MECOM: variants seen among roughly 807,000 people sequenced by gnomAD.
MECOM encodes the protein histone-lysine N-methyltransferase MECOM.
A neutral mutation model predicts 116.3 loss-of-function variants in MECOM; 13 were observed. That is an observed-to-expected ratio of 0.11 (90% confidence interval 0.07 to 0.18). MECOM has a LOEUF of 0.18. Among genes scored for constraint, MECOM ranks in the 10% least tolerant of loss-of-function variants. The pLI is 1.00. For synonymous variants in MECOM, 528 were observed against 535.2 expected (o/e 0.99, Z 0.19); for missense variants, 1,299 against 1,509.0 (o/e 0.86, Z 2.31).
chr3:169,491,873 A>G (rs2108923071), intron 1 of MECOM, among the ~76,000 whole-genome samples: 1 of 152,356 alleles, frequency 6.6e-6, no homozygotes, highest in South Asian at 2.1e-4. Flanking sequence ...TCTATTGCCA[A>G]TTATAAAAGT....
At chr3:169,302,224 T>C (rs1716868509) in intron 2 of MECOM, among the ~76,000 whole-genome samples, 1 of 152,208 alleles carries the variant, frequency 6.6e-6, no homozygotes, top group African/African-American at 2.4e-5. Context: ...ATGTATCAAG[T>C]CCTGTTAGAA....
intron 2 of MECOM, among the ~76,000 whole-genome samples, chr3:169,309,680 C>T (rs1423928623): frequency 6.6e-6 from 1 of 152,204 alleles, no homozygotes; most frequent in African/African-American, 2.4e-5. Flanking sequence ...GCTCATATAA[C>T]CACCCATATC....
chr3:169,105,637 C>T (rs1367405506), intron 10 of MECOM, among the ~76,000 whole-genome samples: 1 of 151,904 alleles, frequency 6.6e-6, no homozygotes, highest in Non-Finnish European at 1.5e-5. Context: ...AAATATATTA[C>T]CCTGTGATCC....
At chr3:169,513,206 T>G (rs938714003) in intron 1 of MECOM, among the ~76,000 whole-genome samples, 7 of 152,212 alleles carry the variant, frequency 4.6e-5, no homozygotes, top group African/African-American at 7.2e-5. Flanking sequence ...GCAGATTATG[T>G]CATTTGGGAC....
At position 169,116,432 on chromosome 3, in the gene MECOM, G is replaced by C. The variant is rs1729176839; in HGVS notation, c.1440C>G (p.Thr480=). The C allele has an allele frequency of 2.5e-6, 4 of 1,614,204 alleles. No homozygotes were observed. The highest frequency in any genetic ancestry group is 3.4e-6 in the Non-Finnish European group (4 of 1,180,050). The change falls in exon 8 of 17, where the codon ACC becomes ACG. Residue 480 remains threonine (T), a synonymous_variant. Coordinates refer to ENST00000651503, the MANE Select transcript of MECOM (RefSeq NM_004991.4). The part of the protein sequence containing the change: ...FGANRHPAGL[T]FPTAPGFSFS... ...AAGAAAATCCAGGAGCTGTTGGAAA[G>C]GTAAGACCAGCAGGATGCCTATTGG...
chr3:169,357,922 CCA>C (rs1442949355), intron 2 of MECOM, among the ~76,000 whole-genome samples: 3 of 151,640 alleles, frequency 2.0e-5, no homozygotes, highest in Non-Finnish European at 4.4e-5. Flanking sequence ...GGTAGACACA[CCA>C]CACACACTTT....
At chr3:169,549,655 T>C (rs1321224426) in intron 1 of MECOM, among the ~76,000 whole-genome samples, 5 of 152,156 alleles carry the variant, frequency 3.3e-5, no homozygotes, top group African/African-American at 9.7e-5. Context: ...GCCCACCTTC[T>C]TGGAGAAGGG....
At chr3:169,480,692 G>C (rs1384426857) in intron 1 of MECOM, among the ~76,000 whole-genome samples, 3 of 152,142 alleles carry the variant, frequency 2.0e-5, no homozygotes, top group African/African-American at 7.2e-5. Context: ...GAGGTGGGTG[G>C]TTTTTGTTCT....
At chr3:169,511,717 C>T (rs563502717) in intron 1 of MECOM, among the ~76,000 whole-genome samples, 5 of 151,520 alleles carry the variant, frequency 3.3e-5, no homozygotes, top group Non-Finnish European at 7.4e-5. Context: ...TGTAGTGAGC[C>T]GAGATCGTGC....
At chr3:169,412,598 T>C (rs1216379929) in intron 1 of MECOM, among the ~76,000 whole-genome samples, 1 of 152,080 alleles carries the variant, frequency 6.6e-6, no homozygotes, top group Non-Finnish European at 1.5e-5. Context: ...CAAAGAAAAT[T>C]AAGGTAAATG....
chr3:169,170,298 T>C (rs947754872), intron 2 of MECOM, among the ~76,000 whole-genome samples: 2 of 150,522 alleles, frequency 1.3e-5, no homozygotes, highest in African/African-American at 4.9e-5. Context: ...TCCCAGCTAC[T>C]TGGGAGGCTG....
At chr3:169,322,424 T>C (rs1333113027) in intron 2 of MECOM, among the ~76,000 whole-genome samples, 1 of 152,160 alleles carries the variant, frequency 6.6e-6, no homozygotes, top group African/African-American at 2.4e-5. Flanking sequence ...TCCATACTCA[T>C]TGACCTCCTT....
intron 1 of MECOM, chr3:169,483,881 C>T (rs1578230317): frequency 6.2e-7 from 1 of 1,610,556 alleles, no homozygotes; most frequent in Non-Finnish European, 8.5e-7. Context: ...TGGTCACCAC[C>T]CCTCCACCAA....
chr3:169,545,190 T>C (rs1409905745), intron 1 of MECOM, among the ~76,000 whole-genome samples: 1 of 152,192 alleles, frequency 6.6e-6, no homozygotes. Context: ...TTGTTTTCTG[T>C]TTTGTTTGTT....
chr3:169,602,844 A>G (rs1052518059), intron 1 of MECOM, among the ~76,000 whole-genome samples: 27 of 152,328 alleles, frequency 1.8e-4, no homozygotes, highest in African/African-American at 6.3e-4. Context: ...AACTTACAAA[A>G]AAACTATGTT....
chr3:169,133,932 A>G (rs2149225341), intron 3 of MECOM: 2 of 1,289,616 alleles, frequency 1.6e-6, no homozygotes, highest in Non-Finnish European at 1.0e-6. Context: ...GGCATCTCTC[A>G]AAGGTTTAAC....
intron 2 of MECOM, among the ~76,000 whole-genome samples, chr3:169,254,742 A>T (rs1756657898): frequency 6.6e-6 from 1 of 152,148 alleles, no homozygotes; most frequent in Admixed American, 6.6e-5. Flanking sequence ...TTCAATTTTC[A>T]TGAAGAAATG....
chr3:169,338,746 T>C (rs1408557417), intron 2 of MECOM, among the ~76,000 whole-genome samples: 2 of 152,128 alleles, frequency 1.3e-5, no homozygotes, highest in African/African-American at 2.4e-5. Context: ...TCTGCTGTTA[T>C]ACTACACACA....
chr3:169,367,006 G>A (rs377507973), intron 2 of MECOM, among the ~76,000 whole-genome samples: 33 of 152,198 alleles, frequency 2.2e-4, no homozygotes, highest in African/African-American at 5.8e-4. Flanking sequence ...TATCTGCTGC[G>A]CACTGTGCCC....
Sources: gnomAD v4.1 joint callset for allele counts (sites outside exome capture counted in the v4.1 genomes callset) on GRCh38, gnomAD v4.1.1 for gene constraint, MANE v1.5 for transcripts, NCBI Gene and HGNC (gene_info 2026-07-23, HGNC 2026-07-21) for gene names.